Variants in FLT3 observed in about 807,000 individuals in gnomAD.
The protein encoded by FLT3 is receptor-type tyrosine-protein kinase FLT3.
A neutral mutation model predicts 126.6 loss-of-function variants in FLT3; 46 were observed. The ratio of observed to expected loss-of-function variants is 0.36; its 90% CI spans 0.29 to 0.46. The LOEUF (loss-of-function observed/expected upper bound fraction) is 0.46. Among genes scored for constraint, FLT3 ranks in the 20% least tolerant of loss-of-function variants. The pLI is 1.00. For missense variants in FLT3, 1,069 were observed against 1,190.3 expected (o/e 0.90, Z 1.50); for synonymous variants, 404 against 434.4 (o/e 0.93, Z 0.87).
rs145473666 is a variant in FLT3, at chr13:28,055,340, C to T, written c.484+2007G>A. Reference sequence around the variant, plus strand: ...TCTATATACTACACATTCCCAATTCCTTCAACTGCTCCTAATTTAAAGAAT... The same window carrying T: ...TCTATATACTACACATTCCCAATTCTTTCAACTGCTCCTAATTTAAAGAAT... On this transcript the variant is annotated intron_variant, in intron 4 of 23. Coordinates refer to ENST00000241453, the MANE Select transcript of FLT3 (RefSeq NM_004119.3). 6.2e-3 allele frequency among the ~76,000 whole-genome samples: 940 copies of T among 152,344 alleles called. 16 individuals carry two copies. The highest frequency in any genetic ancestry group is 0.021 in the African/African-American group (892 of 41,580).
intron 1 of FLT3, among the ~76,000 whole-genome samples, chr13:28,085,812 TC>T (rs1878641668): frequency 6.6e-6 from 1 of 152,090 alleles, no homozygotes; most frequent in East Asian, 1.9e-4. Flanking sequence ...CCTATTTGTG[TC>T]TTCATATGCA....
chr13:28,032,440 T>C (rs1873427074), intron 15 of FLT3, among the ~76,000 whole-genome samples: 2 of 152,126 alleles, frequency 1.3e-5, no homozygotes, highest in Admixed American at 1.3e-4. Flanking sequence ...CGAAGCCCCA[T>C]CTCTACCAAA....
At chr13:28,082,660 G>A (rs910787540) in intron 1 of FLT3, among the ~76,000 whole-genome samples, 3 of 146,672 alleles carry the variant, frequency 2.0e-5, no homozygotes, top group East Asian at 2.1e-4. Context: ...GAGCCACGAC[G>A]CCCAGCTAAT....
intron 1 of FLT3, among the ~76,000 whole-genome samples, chr13:28,072,068 G>C (rs1471515984): frequency 6.6e-6 from 1 of 151,368 alleles, no homozygotes; most frequent in Admixed American, 6.6e-5. Context: ...GGGGTATTAG[G>C]TATAATTGGC....
At chr13:28,060,954 A>G (rs1876503017) in intron 3 of FLT3, among the ~76,000 whole-genome samples, 1 of 152,146 alleles carries the variant, frequency 6.6e-6, no homozygotes, top group Admixed American at 6.5e-5. Context: ...TGAGCAGAAG[A>G]CACAGAAAGA....
At position 28,055,124 on chromosome 13, in the gene FLT3, T is replaced by G. The variant is rs373435474; in HGVS notation, c.484+2223A>C. 2.0e-5 allele frequency among the ~76,000 whole-genome samples: 3 copies of G among 152,246 alleles called. No individual in the cohort carries two copies. In the East Asian group the frequency reaches 5.8e-4, roughly 29 times the overall value. ...TTCTTATCATATCCTCTAGAGCAAC[T>G]TTTTTAAAGTCTAGCTTTGATTCCA... is the stretch of plus-strand genomic sequence containing the variant. On this transcript the variant is annotated intron_variant, in intron 4 of 23. Transcript: ENST00000241453.
chr13:28,090,374 T>C (rs921550856), intron 1 of FLT3, among the ~76,000 whole-genome samples: 7 of 152,302 alleles, frequency 4.6e-5, no homozygotes, highest in African/African-American at 1.2e-4. Flanking sequence ...TGTCTATATC[T>C]TGGTAGTGGT....
intron 2 of FLT3, among the ~76,000 whole-genome samples, chr13:28,062,875 G>A (rs1166914472): frequency 6.6e-6 from 1 of 152,028 alleles, no homozygotes; most frequent in Admixed American, 6.6e-5. Context: ...GCCCTTAGAA[G>A]GAACCAACCC....
intron 3 of FLT3, among the ~76,000 whole-genome samples, 183 bp from the exon 4 acceptor site, chr13:28,057,645 C>G (rs897532374): frequency 6.6e-6 from 1 of 152,082 alleles, no homozygotes; most frequent in African/African-American, 2.4e-5. Flanking sequence ...CTCGTTGAAC[C>G]CTGACTTTTA....
chr13:28,095,847 G>A (rs555590193), intron 1 of FLT3, among the ~76,000 whole-genome samples: 2 of 152,202 alleles, frequency 1.3e-5, no homozygotes, highest in East Asian at 1.9e-4. Context: ...TGTTGAAGCC[G>A]AGGCATTTTG....
rs547138865 is a variant in FLT3, at chr13:28,059,073, G to A, written c.369-1611C>T. On this transcript the variant is annotated intron_variant, in intron 3 of 23. Coordinates refer to ENST00000241453, the MANE Select transcript of FLT3 (RefSeq NM_004119.3). ...AGAAGTGAGTAATACAATCGCAAAA[G>A]AGGAAAGGAAAATGAATGCGTTCCA... is the stretch of plus-strand genomic sequence containing the variant. Among the ~76,000 whole-genome samples, 9 of 152,318 alleles carry A rather than the reference G, an allele frequency of 5.9e-5. No individual in the cohort carries two copies. The South Asian group carries it at 1.9e-3, about 32-fold the overall frequency.
chr13:28,017,665 GT>G (rs113187201), intron 20 of FLT3, among the ~76,000 whole-genome samples: 6,434 of 135,810 alleles, frequency 0.047, 453 homozygotes, highest in African/African-American at 0.16. Context: ...TTTTGTTGTT[GT>G]TTTTTTTTTT....
At chr13:28,044,733 C>T (rs1197061679) in intron 9 of FLT3, among the ~76,000 whole-genome samples, 2 of 152,178 alleles carry the variant, frequency 1.3e-5, no homozygotes, top group African/African-American at 2.4e-5. Context: ...AGCACAAACA[C>T]TGTAGCTCTT....
chr13:28,013,969 A>G (rs1478254653), intron 23 of FLT3, among the ~76,000 whole-genome samples: 1 of 152,086 alleles, frequency 6.6e-6, no homozygotes, highest in African/African-American at 2.4e-5. Flanking sequence ...CCCTAAAAAC[A>G]TTTTTATCAA....
intron 1 of FLT3, among the ~76,000 whole-genome samples, chr13:28,090,050 CTTTT>C (rs979340358): frequency 6.0e-5 from 9 of 150,672 alleles, no homozygotes; most frequent in Non-Finnish European, 1.0e-4. Context: ...CGTGAGGGAA[CTTTT>C]TTTTTAGATG....
chr13:28,028,236 C>A lies in FLT3; in HGVS notation c.1995G>T (p.Met665Ile), dbSNP rs776133815. 3 of 1,612,516 alleles carry A rather than the reference C, an allele frequency of 1.9e-6. No individual in the cohort carries two copies. The highest frequency in any genetic ancestry group is 3.3e-5 in the Admixed American group (2 of 60,012). Residue 665 changes from methionine (M) to isoleucine (I), a missense_variant, in exon 16 of 24, where the codon ATG becomes ATT. By Grantham distance (10) the Met-to-Ile change is conservative (BLOSUM62 1). Transcript: ENST00000241453. ...TATTCTCGTGGCTTCCCAGCTGGGTCATCATCTTGAGTTCTGACATGAGTG... is the reference window on the plus strand; with the variant it reads ...TATTCTCGTGGCTTCCCAGCTGGGTAATCATCTTGAGTTCTGACATGAGTG... Reference protein sequence around the residue: ...REALMSELKMMTQLGSHENIV... With the variant: ...REALMSELKMITQLGSHENIV...
chr13:28,063,382 A>T (rs1158976122), intron 2 of FLT3, among the ~76,000 whole-genome samples: 1 of 152,322 alleles, frequency 6.6e-6, no homozygotes, highest in South Asian at 2.1e-4. Context: ...CAGGAGGCTG[A>T]GGCAGGAGAA....
chr13:28,083,434 G>A (rs900539837), intron 1 of FLT3, among the ~76,000 whole-genome samples: 1 of 152,090 alleles, frequency 6.6e-6, no homozygotes, highest in African/African-American at 2.4e-5. Context: ...TACACTCATG[G>A]AAGTTATTGA....
chr13:28,079,224 T>G (rs1318477263), intron 1 of FLT3, among the ~76,000 whole-genome samples: 2 of 152,212 alleles, frequency 1.3e-5, no homozygotes, highest in African/African-American at 2.4e-5. Flanking sequence ...GCCTCCAGTC[T>G]TTTTGCTAAA....
Sources: allele counts gnomAD v4.1 joint callset (sites outside exome capture counted in the v4.1 genomes callset), GRCh38; gene constraint gnomAD v4.1.1; transcripts MANE v1.5; gene names NCBI Gene and HGNC (gene_info 2026-07-23, HGNC 2026-07-21).